Variants in CENPK observed in about 807,000 individuals in gnomAD.
CENPK encodes the protein centromere protein K.
Under a neutral mutation model 40.9 loss-of-function variants are expected in CENPK, and 46 were observed. That is an observed-to-expected ratio of 1.13 (90% CI 0.89 to 1.44). The LOEUF is 1.44. Ranked by LOEUF, CENPK falls within the 40% of genes most tolerant of loss-of-function variation. The pLI is 0.00. For missense variants in CENPK, 288 were observed against 303.5 expected (o/e 0.95, Z 0.38); for synonymous variants, 107 against 104.4 (o/e 1.02, Z -0.15).
At chr5:65,510,261 T>TG in the CENPK span, among the ~76,000 whole-genome samples, 14 of 152,242 alleles carry the variant, frequency 9.2e-5, no homozygotes, top group African/African-American at 3.4e-4. Flanking sequence ...TTAAAAGTCC[T>TG]GCTCTAGCAA....
chr5:65,517,826 T>A lies in CENPK; in HGVS notation c.*649A>T. The A allele has an allele frequency of 1.3e-5, 2 of 152,194 alleles. No individual in the cohort carries two copies. The highest frequency in any genetic ancestry group is 1.3e-4 in the Admixed American group (2 of 15,288). 9.4% of individuals were successfully genotyped at this position (152,194 alleles called of 1,614,324 possible). ...TTCACAGAGGATTAATAAAATGTCA[T>A]GAATACAATTTTGTTGGTAATAATT... On this transcript the variant is annotated 3_prime_UTR_variant, in exon 11 of 11. Coordinates refer to ENST00000396679, the MANE Select transcript of CENPK (RefSeq NM_022145.5).
At chr5:65,525,421 T>C (rs1744515456) in intron 9 of CENPK, among the ~76,000 whole-genome samples, 1 of 152,130 alleles carries the variant, frequency 6.6e-6, no homozygotes, top group South Asian at 2.1e-4. Flanking sequence ...CAAAATTACA[T>C]TGATCCAGCC....
At chr5:65,545,093 G>T (rs1410534802) in intron 5 of CENPK, among the ~76,000 whole-genome samples, 1 of 151,886 alleles carries the variant, frequency 6.6e-6, no homozygotes, top group Non-Finnish European at 1.5e-5. Flanking sequence ...GTAACAAAAG[G>T]TCTAACATTC....
chr5:65,496,781 C>T, the CENPK span, among the ~76,000 whole-genome samples: 4 of 151,932 alleles, frequency 2.6e-5, no homozygotes, highest in South Asian at 2.1e-4. Flanking sequence ...AGGCTGGGTG[C>T]GATGGCTCAC....
At chr5:65,547,619 T>C (rs1749239483) in intron 5 of CENPK, among the ~76,000 whole-genome samples, 1 of 151,824 alleles carries the variant, frequency 6.6e-6, no homozygotes, top group Non-Finnish European at 1.5e-5. Flanking sequence ...GATAAAATTG[T>C]ATAGGAAGAG....
chr5:65,506,292 A>G, the CENPK span, among the ~76,000 whole-genome samples: 575 of 151,820 alleles, frequency 3.8e-3, 4 homozygotes, highest in African/African-American at 0.014. Context: ...AAGATGGCTT[A>G]AGCCTAGGAG....
intron 6 of CENPK, among the ~76,000 whole-genome samples, chr5:65,532,426 A>T (rs541764636): frequency 6.6e-6 from 1 of 152,176 alleles, no homozygotes; most frequent in Non-Finnish European, 1.5e-5. Flanking sequence ...ACCTTATATC[A>T]AAGCCTAACA....
At chr5:65,547,308 G>T (rs1749175659) in intron 5 of CENPK, among the ~76,000 whole-genome samples, 1 of 150,648 alleles carries the variant, frequency 6.6e-6, no homozygotes, top group African/African-American at 2.4e-5. Flanking sequence ...CACAAGAACT[G>T]CTTGAACCTG....
intron 2 of CENPK, among the ~76,000 whole-genome samples, chr5:65,559,584 C>G (rs796305897): frequency 2.0e-5 from 3 of 149,712 alleles, no homozygotes; most frequent in South Asian, 4.3e-4. Flanking sequence ...AGCCGAGATC[C>G]CGCCACTGCA....
intron 5 of CENPK, among the ~76,000 whole-genome samples, chr5:65,543,770 T>C (rs1473684231): frequency 6.6e-6 from 1 of 152,228 alleles, no homozygotes; most frequent in African/African-American, 2.4e-5. Flanking sequence ...CTCTCATTTC[T>C]ATAGAACAGA....
the CENPK span, among the ~76,000 whole-genome samples, chr5:65,509,439 T>C: frequency 6.6e-6 from 1 of 152,228 alleles, no homozygotes; most frequent in African/African-American, 2.4e-5. Flanking sequence ...ACTGGCATTA[T>C]GGTTCTTCCA....
the CENPK span, among the ~76,000 whole-genome samples, chr5:65,496,059 C>A: frequency 6.6e-6 from 1 of 152,246 alleles, no homozygotes; most frequent in East Asian, 1.9e-4. Context: ...AAGTTTTAGA[C>A]CAGTCTGGGC....
intron 6 of CENPK, among the ~76,000 whole-genome samples, chr5:65,536,875 G>C (rs960253717): frequency 1.3e-5 from 2 of 152,132 alleles, no homozygotes; most frequent in Non-Finnish European, 2.9e-5. Flanking sequence ...CATTGTGGCA[G>C]TGTTAAGAGG....
At chr5:65,496,791 C>T in the CENPK span, among the ~76,000 whole-genome samples, 5 of 151,998 alleles carry the variant, frequency 3.3e-5, no homozygotes, top group Non-Finnish European at 1.5e-5. Flanking sequence ...CGATGGCTCA[C>T]GTCTGTAATC....
At chr5:65,544,872 T>C (rs927732568) in intron 5 of CENPK, among the ~76,000 whole-genome samples, 3 of 152,110 alleles carry the variant, frequency 2.0e-5, no homozygotes, top group Admixed American at 1.3e-4. Flanking sequence ...GGCTGGGGGA[T>C]GATGGAAAAG....
chr5:65,511,922 CCTT>C, the CENPK span, among the ~76,000 whole-genome samples: 4 of 152,092 alleles, frequency 2.6e-5, no homozygotes, highest in East Asian at 1.9e-4. Flanking sequence ...ACATTGAAAA[CCTT>C]CTGGAAATTA....
downstream of CENPK, among the ~76,000 whole-genome samples, chr5:65,516,194 T>C (rs1742843130): frequency 6.6e-6 from 1 of 152,242 alleles, no homozygotes; most frequent in Non-Finnish European, 1.5e-5. Context: ...ATGATGTATC[T>C]TTCTCCATCT....
At chr5:65,510,038 T>C in the CENPK span, among the ~76,000 whole-genome samples, 10 of 152,318 alleles carry the variant, frequency 6.6e-5, no homozygotes, top group South Asian at 2.1e-4. Context: ...GTCCCTGAGA[T>C]ACAATATTGA....
chr5:65,512,524 AT>A, the CENPK span, among the ~76,000 whole-genome samples: 2 of 152,338 alleles, frequency 1.3e-5, no homozygotes, highest in East Asian at 3.9e-4. Flanking sequence ...CCAGCAAAAA[AT>A]TACTAGGTGA....
Sources: gnomAD v4.1 joint callset for allele counts (sites outside exome capture counted in the v4.1 genomes callset) on GRCh38, gnomAD v4.1.1 for gene constraint, MANE v1.5 for transcripts, NCBI Gene and HGNC (gene_info 2026-07-23, HGNC 2026-07-21) for gene names.